Variants in FAM78B observed in about 807,000 individuals in gnomAD.
FAM78B encodes the protein protein FAM78B.
In FAM78B, 10 loss-of-function variants were observed where a neutral mutation model predicts 20.0. The ratio of observed to expected loss-of-function variants is 0.50; its 90% CI spans 0.31 to 0.85. FAM78B has a LOEUF of 0.85. Ranked by LOEUF, FAM78B falls within the 40% of genes least tolerant of loss-of-function variation. FAM78B has a pLI of 0.05. For synonymous variants in FAM78B, 135 were observed against 132.8 expected, an observed-to-expected ratio of 1.02 and a Z score of -0.12; for missense variants, 283 against 345.0, an observed-to-expected ratio of 0.82 and a Z score of 1.42.
At chr1:166,103,854 G>A (rs1653649730) in intron 1 of FAM78B, among the ~76,000 whole-genome samples, 1 of 152,162 alleles carries the variant, frequency 6.6e-6, no homozygotes, top group African/African-American at 2.4e-5. Flanking sequence ...CTCATTTTAT[G>A]AGGCCAGCAT....
chr1:166,115,480 G>C (rs1024752709), intron 1 of FAM78B, among the ~76,000 whole-genome samples: 1 of 152,226 alleles, frequency 6.6e-6, no homozygotes, highest in African/African-American at 2.4e-5. Context: ...AGGTCAAAGA[G>C]GTAGCAGCCC....
chr1:166,130,348 T>C lies in FAM78B; in HGVS notation c.263+35638A>G, dbSNP rs527443048. Among the ~76,000 whole-genome samples, 20 of 152,330 alleles carry C rather than the reference T, an allele frequency of 1.3e-4. No homozygotes were observed. The South Asian group carries it at 3.9e-3, about 30-fold the overall frequency. On this transcript the variant is annotated intron_variant, in intron 1 of 1. Transcript: ENST00000354422. ...TCTTCTTTCTGCTTCTACGTAAGTA[T>C]AGACAATCAGAGAAGACTGGAATGC...
chr1:166,070,354 G>A lies in FAM78B; in HGVS notation c.673C>T (p.Arg225Trp), dbSNP rs1314055154. The change falls in exon 2 of 2, where the codon CGG becomes TGG. Residue 225 changes from arginine to tryptophan, a missense_variant. Arg to Trp is a moderately radical substitution (Grantham distance 101). Coordinates refer to ENST00000354422, the MANE Select transcript of FAM78B (RefSeq NM_001017961.5). ...TQQEQPRILS[R>W]MEPIPPNALV... is the part of the protein sequence containing the mutation. ...GCATTAGGGGGGATGGGTTCCATCC[G>A]GCTCAGGATCCGGGGCTGCTCCTGC... 1.3e-5 allele frequency: 21 copies of A among 1,612,926 alleles called. No individual in the cohort carries two copies. The highest frequency in any genetic ancestry group is 7.7e-5 in the South Asian group (7 of 90,954).
intron 1 of FAM78B, among the ~76,000 whole-genome samples, chr1:166,072,609 C>A (rs1037155740): frequency 6.6e-6 from 1 of 152,148 alleles, no homozygotes; most frequent in Non-Finnish European, 1.5e-5. Context: ...ATACTGGAGT[C>A]GGTTTCATGC....
At chr1:166,154,517 T>C (rs1054512791) in intron 1 of FAM78B, among the ~76,000 whole-genome samples, 3 of 152,218 alleles carry the variant, frequency 2.0e-5, no homozygotes, top group Admixed American at 1.3e-4. Context: ...TCCCTTGGGC[T>C]GATGTGAGTT....
chr1:166,077,391 A>C (rs1652315566), intron 1 of FAM78B, among the ~76,000 whole-genome samples: 1 of 152,090 alleles, frequency 6.6e-6, no homozygotes, highest in Admixed American at 6.6e-5. Flanking sequence ...TGGTATGAGA[A>C]TTAAATGAGA....
At chr1:166,096,908 C>T (rs957696826) in intron 1 of FAM78B, among the ~76,000 whole-genome samples, 2 of 152,114 alleles carry the variant, frequency 1.3e-5, no homozygotes, top group Non-Finnish European at 2.9e-5. Flanking sequence ...GAGCAGCGGG[C>T]GGCGGCTCAC....
At chr1:166,104,161 T>C (rs1398984376) in intron 1 of FAM78B, among the ~76,000 whole-genome samples, 2 of 152,328 alleles carry the variant, frequency 1.3e-5, no homozygotes, top group East Asian at 3.9e-4. Context: ...CAGCCCTTCA[T>C]GCTAAAAACT....
intron 1 of FAM78B, among the ~76,000 whole-genome samples, chr1:166,153,777 G>C (rs73046941): frequency 0.048 from 7,233 of 152,146 alleles, 373 homozygotes; most frequent in Admixed American, 0.14. Context: ...AGTAAGCCAG[G>C]CAGGCAGTGA....
At chr1:166,065,549 A>C (rs1439133557), downstream of FAM78B, among the ~76,000 whole-genome samples, 2 of 152,144 alleles carry the variant, frequency 1.3e-5, no homozygotes, top group Non-Finnish European at 2.9e-5. Flanking sequence ...ATAAACTGTA[A>C]AGCACTTATA....
At chr1:166,085,813 A>G (rs1323505611) in intron 1 of FAM78B, among the ~76,000 whole-genome samples, 1 of 151,888 alleles carries the variant, frequency 6.6e-6, no homozygotes, top group African/African-American at 2.4e-5. Context: ...TGGTCTGGAA[A>G]CCAGGAAATC....
At chr1:166,090,275 G>A (rs79552507) in intron 1 of FAM78B, among the ~76,000 whole-genome samples, 4,631 of 152,284 alleles carry the variant, frequency 0.03, 271 homozygotes, top group Admixed American at 0.14. Context: ...TTCTGAGCAC[G>A]TAAACACAAA....
chr1:166,124,316 G>A (rs1571184672), intron 1 of FAM78B, among the ~76,000 whole-genome samples: 2 of 152,154 alleles, frequency 1.3e-5, no homozygotes, highest in African/African-American at 4.8e-5. Context: ...TGGGCTCTCA[G>A]CACACCTGTG....
Position 166,093,041 on chromosome 1 carries a change from A to G in FAM78B, c.264-22278T>C, listed in dbSNP as rs572777016. On this transcript the variant is annotated intron_variant, in intron 1 of 1. Transcript: ENST00000354422. The stretch of plus-strand genomic sequence containing the variant: ...ACTTATAACAACAATATTAGTTAAG[A>G]ATATATTTAAAAAAATAAAAAAATA... Among the ~76,000 whole-genome samples, 9 of 152,340 alleles carry G rather than the reference A, an allele frequency of 5.9e-5. No homozygotes were observed. In the East Asian group the frequency reaches 1.4e-3, roughly 23 times the overall value.
At chr1:166,155,349 G>A (rs758620442) in intron 1 of FAM78B, among the ~76,000 whole-genome samples, 7 of 152,140 alleles carry the variant, frequency 4.6e-5, no homozygotes, top group Non-Finnish European at 1.0e-4. Context: ...GAGTAATGCT[G>A]GGCATGTTAT....
At chr1:166,083,527 T>G (rs1349906197) in intron 1 of FAM78B, among the ~76,000 whole-genome samples, 1 of 152,202 alleles carries the variant, frequency 6.6e-6, no homozygotes, top group African/African-American at 2.4e-5. Flanking sequence ...TTTTTTGAAA[T>G]GCAGTTTTGC....
intron 1 of FAM78B, among the ~76,000 whole-genome samples, chr1:166,094,179 G>C (rs900025838): frequency 6.6e-6 from 1 of 152,114 alleles, no homozygotes; most frequent in Non-Finnish European, 1.5e-5. Flanking sequence ...AGAACAGATA[G>C]CACTTAGGAA....
chr1:166,096,334 A>G (rs1317653765), intron 1 of FAM78B, among the ~76,000 whole-genome samples: 1 of 152,236 alleles, frequency 6.6e-6, no homozygotes, highest in Non-Finnish European at 1.5e-5. Flanking sequence ...CCACTCTGGC[A>G]TAACACAGTG....
intron 1 of FAM78B, among the ~76,000 whole-genome samples, chr1:166,129,510 G>A (rs1201924877): frequency 3.9e-5 from 6 of 152,152 alleles, no homozygotes; most frequent in Non-Finnish European, 7.4e-5. Flanking sequence ...AAGTGTGTGA[G>A]ACCTTTTCAG....
Sources: gnomAD v4.1 joint callset for allele counts (sites outside exome capture counted in the v4.1 genomes callset) on GRCh38, gnomAD v4.1.1 for gene constraint, MANE v1.5 for transcripts, NCBI Gene and HGNC (gene_info 2026-07-23, HGNC 2026-07-21) for gene names.